PTPN13: variants seen among roughly 807,000 people sequenced by gnomAD.
The protein encoded by PTPN13 is tyrosine-protein phosphatase non-receptor type 13.
In PTPN13, 191 loss-of-function variants were observed where a neutral mutation model predicts 284.0. That is an observed-to-expected ratio of 0.67 (90% CI 0.60 to 0.76). The LOEUF is 0.76. Ranked by LOEUF, PTPN13 falls within the 30% of genes least tolerant of loss-of-function variation. The probability of loss-of-function intolerance (pLI) is 0.00; values close to 1 mark genes in which losing one functional copy is unlikely to be tolerated. For missense variants in PTPN13, 2,797 were observed against 2,939.9 expected, an observed-to-expected ratio of 0.95 and a Z score of 1.12; for synonymous variants, 986 against 1,022.3, an observed-to-expected ratio of 0.96 and a Z score of 0.68.
At chr4:86,709,752 C>T (rs138212406) in intron 7 of PTPN13, among the ~76,000 whole-genome samples, 56 of 152,088 alleles carry the variant, frequency 3.7e-4, no homozygotes, top group Non-Finnish European at 7.1e-4. Flanking sequence ...TGAGCCTAGC[C>T]GATGTCACAG....
Position 86,771,260 on chromosome 4 carries a change from T to C in PTPN13, c.4893T>C (p.Asp1631=). ...GTGTGGAGCAAAGCACCAGCTCAGA[T>C]GAAAATGAAATGTCAGACAAAAGCA... ...PSCVEQSTSS[D]ENEMSDKSKK... Residue 1631 remains aspartate (D), a synonymous_variant, in exon 31 of 48, where the codon GAT becomes GAC. Coordinates refer to ENST00000411767, the MANE Select transcript of PTPN13 (RefSeq NM_080683.3). 2 of 1,608,814 alleles carry C rather than the reference T, an allele frequency of 1.2e-6. No homozygotes were observed. The highest frequency in any genetic ancestry group is 1.7e-6 in the Non-Finnish European group (2 of 1,177,492).
At chr4:86,723,368 C>G (rs13117481) in intron 10 of PTPN13, among the ~76,000 whole-genome samples, 1 of 152,118 alleles carries the variant, frequency 6.6e-6, no homozygotes, top group African/African-American at 2.4e-5. Context: ...TAGATTCTCA[C>G]AGGAGCATGA....
chr4:86,772,490 G>A lies in PTPN13; in HGVS notation c.5169-288G>A, dbSNP rs546618476. Among the ~76,000 whole-genome samples the A allele has an allele frequency of 3.9e-5, 6 of 152,018 alleles. No homozygotes were observed. The East Asian group carries it at 9.6e-4, about 24-fold the overall frequency. On this transcript the variant is annotated intron_variant, in intron 31 of 47. Coordinates refer to ENST00000411767, the MANE Select transcript of PTPN13 (RefSeq NM_080683.3). ...AATCACTTGATCCTGGGAGGCAGAG[G>A]CTGCAGTGAGCCGAGATTTCACCAC...
At chr4:86,719,595 T>C (rs1733415652) in intron 9 of PTPN13, among the ~76,000 whole-genome samples, 1 of 152,170 alleles carries the variant, frequency 6.6e-6, no homozygotes, top group South Asian at 2.1e-4. Context: ...CTCCCAACAG[T>C]GTGTAAGTGT....
chr4:86,635,856 G>A (rs1420374531), intron 2 of PTPN13, among the ~76,000 whole-genome samples: 1 of 152,036 alleles, frequency 6.6e-6, no homozygotes, highest in Non-Finnish European at 1.5e-5. Flanking sequence ...CCAGCTACTC[G>A]GGAGGCTGAG....
Position 86,601,852 on chromosome 4 carries a change from C to G in PTPN13, c.-6+7063C>G, listed in dbSNP as rs1247986231. Among the ~76,000 whole-genome samples, 3 of 152,132 alleles carry G rather than the reference C, an allele frequency of 2.0e-5. No homozygotes were observed. In the East Asian group the frequency reaches 5.8e-4, roughly 29 times the overall value. On this transcript the variant is annotated intron_variant, in intron 1 of 47. Coordinates refer to ENST00000411767, the MANE Select transcript of PTPN13 (RefSeq NM_080683.3). ...CTGGGCTTATCCAACATTTGTATAC[C>G]TAGTTCCCTTTTTAATTGTTCCTTA...
intron 47 of PTPN13, among the ~76,000 whole-genome samples, chr4:86,813,675 C>T (rs937243301): frequency 1.3e-5 from 2 of 152,138 alleles, no homozygotes; most frequent in Admixed American, 6.5e-5. Context: ...GATCCACCTG[C>T]CTCGGCCTCT....
chr4:86,790,932 G>T (rs1742561435), intron 40 of PTPN13, among the ~76,000 whole-genome samples: 1 of 152,154 alleles, frequency 6.6e-6, no homozygotes, highest in African/African-American at 2.4e-5. Context: ...AATCGACGCA[G>T]AAGACAGGTG....
chr4:86,718,597 C>T (rs1374033111), intron 9 of PTPN13, among the ~76,000 whole-genome samples: 6 of 151,914 alleles, frequency 3.9e-5, no homozygotes, highest in African/African-American at 1.5e-4. Flanking sequence ...ATTGCAGGCA[C>T]CTGCCACCAT....
intron 38 of PTPN13, 37 bp from the exon 39 acceptor site, chr4:86,785,194 T>G: frequency 7.1e-7 from 1 of 1,417,880 alleles, no homozygotes; most frequent in Non-Finnish European, 9.5e-7. Context: ...GTCAATATTT[T>G]TAAAGTAAAA....
chr4:86,766,649 CTGGGTTGT>C, intron 27 of PTPN13, 132 bp downstream of exon 27: 1 of 546,440 alleles, frequency 1.8e-6, no homozygotes, highest in Non-Finnish European at 2.9e-6. Flanking sequence ...ATATAACCAT[CTGGGTTGT>C]TGATTTTTCC....
At chr4:86,752,936 A>G (rs1371464244) in intron 19 of PTPN13, 73 bp from the exon 20 acceptor site, 3 of 1,093,122 alleles carry the variant, frequency 2.7e-6, no homozygotes, top group Non-Finnish European at 2.7e-6. Context: ...TTATGAGCTT[A>G]TCAGAAGAAA....
chr4:86,625,101 C>T (rs867443601), intron 1 of PTPN13, among the ~76,000 whole-genome samples: 2 of 152,094 alleles, frequency 1.3e-5, no homozygotes, highest in South Asian at 2.1e-4. Flanking sequence ...CTTCAGCAGA[C>T]CAGATGAAGT....
intron 2 of PTPN13, among the ~76,000 whole-genome samples, chr4:86,657,066 C>T (rs890567275): frequency 7.2e-5 from 11 of 152,316 alleles, no homozygotes; most frequent in East Asian, 3.9e-4. Flanking sequence ...TTGCTAAGAC[C>T]GTTGGAAAAG....
intron 2 of PTPN13, among the ~76,000 whole-genome samples, chr4:86,670,723 A>G (rs1727635601): frequency 6.6e-6 from 1 of 152,134 alleles, no homozygotes; most frequent in Admixed American, 6.6e-5. Flanking sequence ...GTGACATGAA[A>G]TCTCATGGTT....
chr4:86,595,067 G>A (rs1464702249), intron 1 of PTPN13, among the ~76,000 whole-genome samples: 1 of 152,120 alleles, frequency 6.6e-6, no homozygotes, highest in Non-Finnish European at 1.5e-5. Context: ...CCGGATTCTC[G>A]GGAATGAAAC....
chr4:86,695,585 G>A (rs755720760), intron 6 of PTPN13, among the ~76,000 whole-genome samples: 3 of 151,974 alleles, frequency 2.0e-5, no homozygotes, highest in Non-Finnish European at 4.4e-5. Context: ...ATTTTAATAA[G>A]TAGAACATTA....
chr4:86,661,133 T>C (rs1455051118), intron 2 of PTPN13: 5 of 453,266 alleles, frequency 1.1e-5, no homozygotes, highest in East Asian at 1.4e-4. Context: ...GTCTCCCTCA[T>C]GTTCCCTCCT....
chr4:86,605,344 A>G (rs1764655103), intron 1 of PTPN13, among the ~76,000 whole-genome samples: 1 of 151,966 alleles, frequency 6.6e-6, no homozygotes, highest in Non-Finnish European at 1.5e-5. Flanking sequence ...TGGTTTCAAA[A>G]CAGATGAAAG....
Sources: gnomAD v4.1 joint callset for allele counts (sites outside exome capture counted in the v4.1 genomes callset) on GRCh38, gnomAD v4.1.1 for gene constraint, MANE v1.5 for transcripts, NCBI Gene and HGNC (gene_info 2026-07-23, HGNC 2026-07-21) for gene names.